The following GPC6 variants were observed in gnomAD, a reference collection of about 807,000 sequenced individuals.
The protein encoded by GPC6 is glypican-6.
In GPC6, 14 loss-of-function variants were observed where a neutral mutation model predicts 55.2. The observed-to-expected ratio is 0.25, with a 90% CI of 0.17 to 0.40. GPC6 has a LOEUF of 0.40. GPC6 is among the 10% of genes least tolerant of loss of function. The pLI, the probability that GPC6 is intolerant of heterozygous loss-of-function variation, is 1.00. For missense variants in GPC6, 641 were observed against 708.5 expected, an observed-to-expected ratio of 0.90 and a Z score of 1.08; for synonymous variants, 278 against 259.6, an observed-to-expected ratio of 1.07 and a Z score of -0.68.
rs751908609 is a variant in GPC6, at chr13:93,861,811, G to A, written c.711+31266G>A. Among the ~76,000 whole-genome samples, 40 of 151,752 alleles carry A rather than the reference G, an allele frequency of 2.6e-4. 1 individual carries two copies. Among genetic ancestry groups the A allele is most frequent in the Middle Eastern group, 3.4e-3 (1 of 294 alleles). Reference sequence around the variant, plus strand: ...GCACCCTCTGACCTCTTTACTGGTCGAGTTACTTCATCCTTCTGGACGTTA... The same window carrying A: ...GCACCCTCTGACCTCTTTACTGGTCAAGTTACTTCATCCTTCTGGACGTTA... On this transcript the variant is annotated intron_variant, in intron 3 of 8. Transcript: ENST00000377047.
intron 1 of GPC6, among the ~76,000 whole-genome samples, chr13:93,433,598 T>A (rs1216617499): frequency 1.3e-5 from 2 of 152,066 alleles, no homozygotes; most frequent in Non-Finnish European, 2.9e-5. Context: ...GGACTACACG[T>A]GTAGAGAAAA....
chr13:93,730,272 C>T (rs1396346813), intron 2 of GPC6, among the ~76,000 whole-genome samples: 2 of 152,098 alleles, frequency 1.3e-5, no homozygotes, highest in Admixed American at 6.6e-5. Context: ...GGAGACAGTG[C>T]TCTTAGGAGG....
chr13:93,502,894 C>T (rs1440774412), intron 1 of GPC6, among the ~76,000 whole-genome samples: 1 of 151,914 alleles, frequency 6.6e-6, no homozygotes, highest in African/African-American at 2.4e-5. Flanking sequence ...CTACCAGATA[C>T]TATAGATGTA....
At chr13:94,329,867 A>C (rs1023225595) in intron 6 of GPC6, among the ~76,000 whole-genome samples, 1 of 152,086 alleles carries the variant, frequency 6.6e-6, no homozygotes, top group African/African-American at 2.4e-5. Flanking sequence ...TCCCATAAAC[A>C]TGACTTTTTG....
chr13:93,752,511 A>G (rs1418478260), intron 2 of GPC6, among the ~76,000 whole-genome samples: 1 of 152,162 alleles, frequency 6.6e-6, no homozygotes, highest in Non-Finnish European at 1.5e-5. Context: ...GCAATCTATT[A>G]CCACTGGCAA....
chr13:94,191,466 T>G (rs1889391562), intron 4 of GPC6, among the ~76,000 whole-genome samples: 1 of 152,088 alleles, frequency 6.6e-6, no homozygotes, highest in Non-Finnish European at 1.5e-5. Context: ...TAGAAGAGGA[T>G]CTTTGGAGAG....
At chr13:93,241,396 C>T (rs1876423044) in intron 1 of GPC6, among the ~76,000 whole-genome samples, 1 of 152,156 alleles carries the variant, frequency 6.6e-6, no homozygotes, top group Admixed American at 6.5e-5. Flanking sequence ...TATATCCAAG[C>T]TCTGAAATTA....
chr13:93,523,812 T>C (rs1395749847), intron 1 of GPC6, among the ~76,000 whole-genome samples: 1 of 151,994 alleles, frequency 6.6e-6, no homozygotes, highest in Non-Finnish European at 1.5e-5. Context: ...TTTTCTCTCA[T>C]TTTGAATAGC....
At chr13:93,350,918 G>A (rs9524016) in intron 1 of GPC6, among the ~76,000 whole-genome samples, 19,064 of 151,946 alleles carry the variant, frequency 0.13, 1,522 homozygotes, top group East Asian at 0.37. Context: ...TGATGACAAA[G>A]AGTCACACAC....
chr13:94,377,257 C>T (rs1221284574), intron 6 of GPC6, among the ~76,000 whole-genome samples: 3 of 146,560 alleles, frequency 2.0e-5, no homozygotes, highest in African/African-American at 7.6e-5. Flanking sequence ...AGTGAACAGG[C>T]AACCTACAAA....
At chr13:93,901,001 C>G (rs865776005) in intron 3 of GPC6, among the ~76,000 whole-genome samples, 11 of 152,088 alleles carry the variant, frequency 7.2e-5, no homozygotes, top group South Asian at 2.1e-4. Flanking sequence ...TCATTCTGAT[C>G]ATTTTCTAAA....
At chr13:93,647,632 C>G (rs906977806) in intron 2 of GPC6, among the ~76,000 whole-genome samples, 1 of 152,166 alleles carries the variant, frequency 6.6e-6, no homozygotes, top group Non-Finnish European at 1.5e-5. Flanking sequence ...TCATGGGATC[C>G]TGCCCATCAT....
intron 2 of GPC6, among the ~76,000 whole-genome samples, chr13:93,639,021 A>T (rs1879806230): frequency 1.3e-5 from 2 of 152,146 alleles, no homozygotes; most frequent in South Asian, 4.1e-4. Context: ...AACAAGGAAA[A>T]GCAAAATAAT....
At chr13:93,709,524 G>A (rs1323120606) in intron 2 of GPC6, among the ~76,000 whole-genome samples, 2 of 151,700 alleles carry the variant, frequency 1.3e-5, no homozygotes, top group Non-Finnish European at 2.9e-5. Context: ...ATGGCTATTA[G>A]ACATTTCTCT....
intron 3 of GPC6, among the ~76,000 whole-genome samples, chr13:93,845,890 G>A (rs1321081072): frequency 2.0e-5 from 3 of 149,868 alleles, no homozygotes; most frequent in Non-Finnish European, 4.4e-5. Context: ...GCTAGATGAC[G>A]AGTTAGTGGG....
chr13:93,789,615 A>ATATAATACTACATATATG (rs1885955665), intron 2 of GPC6, among the ~76,000 whole-genome samples: 1 of 44,124 alleles, frequency 2.3e-5, no homozygotes, highest in Admixed American at 3.1e-4. Flanking sequence ...ATATATATAT[A>ATATAATACTACATATATG]TATATATATA....
At chr13:93,943,376 C>T (rs1566615062) in intron 3 of GPC6, among the ~76,000 whole-genome samples, 1 of 152,112 alleles carries the variant, frequency 6.6e-6, no homozygotes, top group East Asian at 1.9e-4. Context: ...AGAAAAGACT[C>T]TCAAAACCAA....
At chr13:94,125,728 T>C (rs1308355052) in intron 4 of GPC6, among the ~76,000 whole-genome samples, 1 of 151,944 alleles carries the variant, frequency 6.6e-6, no homozygotes, top group African/African-American at 2.4e-5. Flanking sequence ...TGCCTTTTTT[T>C]TTTTTTAAAT....
intron 6 of GPC6, among the ~76,000 whole-genome samples, chr13:94,335,596 AGAAT>A (rs10604989): frequency 0.54 from 81,198 of 151,486 alleles, 21,836 homozygotes; most frequent in Admixed American, 0.64. Flanking sequence ...ACACTGTTTT[AGAAT>A]GAATATACAA....
Sources: allele counts gnomAD v4.1 joint callset (sites outside exome capture counted in the v4.1 genomes callset), GRCh38; gene constraint gnomAD v4.1.1; transcripts MANE v1.5; gene names NCBI Gene and HGNC (gene_info 2026-07-23, HGNC 2026-07-21).